The following FSTL4 variants were observed in gnomAD, a reference collection of about 807,000 sequenced individuals.
FSTL4 encodes the protein follistatin like 4, also known as follistatin-related protein 4.
In FSTL4, 28 loss-of-function variants were observed where a neutral mutation model predicts 78.2. The ratio of observed to expected loss-of-function variants is 0.36; its 90% CI spans 0.27 to 0.49. The LOEUF (loss-of-function observed/expected upper bound fraction) is 0.49, where lower values mean the gene tolerates loss of function less well. FSTL4 is among the 20% of genes least tolerant of loss of function. FSTL4 has a pLI of 0.98. For missense variants in FSTL4, 922 were observed against 1,084.9 expected (o/e 0.85, Z 2.11); for synonymous variants, 422 against 440.5 (o/e 0.96, Z 0.53).
At chr5:133,531,746 C>T (rs17166751) in intron 3 of FSTL4, among the ~76,000 whole-genome samples, 44,776 of 152,040 alleles carry the variant, frequency 0.29, 6,758 homozygotes, top group Admixed American at 0.35. Context: ...GGTGATAGGG[C>T]GGAAATCATC....
chr5:133,205,039 G>A (rs1364169107), intron 14 of FSTL4, among the ~76,000 whole-genome samples: 1 of 152,090 alleles, frequency 6.6e-6, no homozygotes, highest in Non-Finnish European at 1.5e-5. Context: ...TTCCAGTTAT[G>A]AGAAGGGAAG....
chr5:133,812,990 C>T, the FSTL4 span, among the ~76,000 whole-genome samples: 2 of 152,210 alleles, frequency 1.3e-5, no homozygotes, highest in Non-Finnish European at 2.9e-5. Flanking sequence ...TGGAAGATGG[C>T]TCCCTTTGGC....
At position 133,317,507 on chromosome 5, in the gene FSTL4, G is replaced by T. The variant is rs114845989; in HGVS notation, c.410-855C>A. On this transcript the variant is annotated intron_variant, in intron 4 of 15. Coordinates refer to ENST00000265342, the MANE Select transcript of FSTL4 (RefSeq NM_015082.2). ...TGCTGAATCCTGGAGAATACGCATG[G>T]GCTCCTCACTGACCATTCCAGGTTG... Among the ~76,000 whole-genome samples, 801 of 152,326 alleles carry T rather than the reference G, an allele frequency of 5.3e-3. 2 individuals carry two copies. Among genetic ancestry groups the T allele is most frequent in the Non-Finnish European group, 7.2e-3 (491 of 68,032 alleles).
At chr5:133,420,604 T>C (rs995302547) in intron 3 of FSTL4, among the ~76,000 whole-genome samples, 8 of 152,142 alleles carry the variant, frequency 5.3e-5, no homozygotes, top group Non-Finnish European at 1.0e-4. Context: ...GCAAATTCCC[T>C]GACCTCAAAT....
At chr5:133,816,114 G>A in the FSTL4 span, among the ~76,000 whole-genome samples, 1 of 152,228 alleles carries the variant, frequency 6.6e-6, no homozygotes, top group Non-Finnish European at 1.5e-5. Flanking sequence ...GGAGACCTGA[G>A]TGAAGTAGCC....
At chr5:133,780,742 T>C in the FSTL4 span, among the ~76,000 whole-genome samples, 1 of 123,734 alleles carries the variant, frequency 8.1e-6, no homozygotes, top group Non-Finnish European at 1.7e-5. Flanking sequence ...ATGAGGTAGG[T>C]ACTATTATTA....
intron 6 of FSTL4, among the ~76,000 whole-genome samples, chr5:133,264,294 C>T (rs888569964): frequency 6.6e-6 from 1 of 152,054 alleles, no homozygotes; most frequent in African/African-American, 2.4e-5. Flanking sequence ...ACTTATTTTT[C>T]GTATGTTGGG....
intron 3 of FSTL4, among the ~76,000 whole-genome samples, chr5:133,460,371 G>A (rs952878519): frequency 3.9e-5 from 6 of 152,084 alleles, no homozygotes; most frequent in Non-Finnish European, 5.9e-5. Flanking sequence ...CTGTCTGTCC[G>A]CCATCTGATT....
chr5:133,542,165 AGTGTAAGAATTT>A (rs1173780346), intron 3 of FSTL4, among the ~76,000 whole-genome samples: 2 of 152,214 alleles, frequency 1.3e-5, no homozygotes, highest in African/African-American at 2.4e-5. Context: ...TGGTTCTCCT[AGTGTAAGAATTT>A]TTTCTTACAC....
chr5:133,375,291 C>CATATATATATAATATATATATATATAT (rs1755403836), intron 4 of FSTL4, among the ~76,000 whole-genome samples: 1 of 57,918 alleles, frequency 1.7e-5, no homozygotes, highest in Admixed American at 2.5e-4. Context: ...GTGTGCATGG[C>CATATATATATAATATATATATATATAT]ATATATATAT....
chr5:133,646,417 C>T, the FSTL4 span, among the ~76,000 whole-genome samples: 1 of 152,010 alleles, frequency 6.6e-6, no homozygotes, highest in Admixed American at 6.6e-5. Context: ...GATTATGGGC[C>T]ATGGTAGGGT....
chr5:133,787,173 C>A, the FSTL4 span, among the ~76,000 whole-genome samples: 1 of 152,164 alleles, frequency 6.6e-6, no homozygotes, highest in Non-Finnish European at 1.5e-5. Context: ...AAACAGGACA[C>A]CCTGTTGTGT....
chr5:133,619,654 T>G, the FSTL4 span, among the ~76,000 whole-genome samples: 1 of 152,182 alleles, frequency 6.6e-6, no homozygotes, highest in Non-Finnish European at 1.5e-5. Flanking sequence ...ATGGAGAACA[T>G]TTAATTAACT....
intron 4 of FSTL4, among the ~76,000 whole-genome samples, chr5:133,398,639 G>A (rs78944920): frequency 2.8e-4 from 43 of 152,194 alleles, no homozygotes; most frequent in African/African-American, 8.4e-4. Context: ...ACCAGGCAGC[G>A]TGCTAAGTGG....
the FSTL4 span, among the ~76,000 whole-genome samples, chr5:133,827,845 G>A: frequency 9.2e-5 from 14 of 152,106 alleles, no homozygotes; most frequent in South Asian, 1.0e-3. Flanking sequence ...GCACAACTGG[G>A]GGTCTTGCAG....
At chr5:133,522,499 T>G (rs1476148390) in intron 3 of FSTL4, among the ~76,000 whole-genome samples, 1 of 152,250 alleles carries the variant, frequency 6.6e-6, no homozygotes, top group African/African-American at 2.4e-5. Context: ...GTTGTTTATT[T>G]CTGGACCTTC....
the FSTL4 span, among the ~76,000 whole-genome samples, chr5:133,793,659 G>T: frequency 1.3e-5 from 2 of 152,182 alleles, no homozygotes; most frequent in African/African-American, 4.8e-5. Context: ...AGCTGCTTAA[G>T]CAAAGCCTGC....
At chr5:133,646,797 G>T in the FSTL4 span, among the ~76,000 whole-genome samples, 1 of 152,160 alleles carries the variant, frequency 6.6e-6, no homozygotes, top group Non-Finnish European at 1.5e-5. Flanking sequence ...AAGATAAGAA[G>T]GGGTGAGGAA....
the FSTL4 span, among the ~76,000 whole-genome samples, chr5:133,725,790 C>T: frequency 6.6e-6 from 1 of 152,200 alleles, no homozygotes; most frequent in Non-Finnish European, 1.5e-5. Flanking sequence ...AAACTTCAGT[C>T]AGTCACATGA....
Sources: allele counts gnomAD v4.1 joint callset (sites outside exome capture counted in the v4.1 genomes callset), GRCh38; gene constraint gnomAD v4.1.1; transcripts MANE v1.5; gene names NCBI Gene and HGNC (gene_info 2026-07-23, HGNC 2026-07-21).